Variants in MTCH1 observed in about 807,000 individuals in gnomAD.
The protein encoded by MTCH1 is mitochondrial carrier 1, also known as mitochondrial carrier homolog 1.
Under a neutral mutation model 49.3 loss-of-function variants are expected in MTCH1, and 23 were observed. The ratio of observed to expected loss-of-function variants is 0.47; its 90% CI spans 0.34 to 0.66. The LOEUF (loss-of-function observed/expected upper bound fraction) is 0.66. Ranked by LOEUF, MTCH1 falls within the 30% of genes least tolerant of loss-of-function variation. The pLI is 0.01. For synonymous variants in MTCH1, 229 were observed against 215.2 expected (o/e 1.06, Z -0.56); for missense variants, 397 against 532.1 (o/e 0.75, Z 2.50).
chr6:36,985,718 C>CT, intron 1 of MTCH1, 135 bp downstream of exon 1: 3 of 336,986 alleles, frequency 8.9e-6, no homozygotes, highest in Non-Finnish European at 1.2e-5. Flanking sequence ...CCCACCCACT[C>CT]GGCCCCCCAA....
Position 36,985,937 on chromosome 6 carries a change from C to A in MTCH1, c.237G>T (p.Pro79=). The change falls in exon 1 of 12, where the codon CCG becomes CCT. Residue 79 remains proline, a synonymous_variant. Coordinates refer to ENST00000373627, the MANE Select transcript of MTCH1 (RefSeq NM_001271641.2). The part of the protein sequence containing the change: ...SGGLGSGDNA[P]TTEALFVALG... ...GTGCCACGAAAAGAGCCTCAGTGGT[C>A]GGGGCGTTGTCCCCAGACCCCAGGC... 6.4e-7 allele frequency: 1 copy of A among 1,552,392 alleles called. No individual in the cohort carries two copies. Among genetic ancestry groups the A allele is most frequent in the Non-Finnish European group, 8.7e-7 (1 of 1,148,136 alleles).
intron 11 of MTCH1, 89 bp from the exon 12 acceptor site, chr6:36,969,063 G>T: frequency 6.5e-7 from 1 of 1,537,166 alleles, no homozygotes; most frequent in Non-Finnish European, 8.7e-7. Flanking sequence ...GCAAAGAAGG[G>T]TCCAGGAGCT....
Position 36,986,056 on chromosome 6 carries a change from C to T in MTCH1, c.118G>A (p.Ala40Thr). Residue 40 changes from alanine to threonine, a missense_variant, in exon 1 of 12, where the codon GCT becomes ACT. Around this residue, in one of 2 missense-constraint regions of MTCH1, gnomAD observed 145 missense variants for 143.8 expected, o/e 1.01. Coordinates refer to ENST00000373627, the MANE Select transcript of MTCH1 (RefSeq NM_001271641.2). ...GGAAAGVEAR[A>T]RDPPPAHRAH... ...CGGTGCGCGGGCGGTGGATCGCGAGCTCGAGCCTCGACCCCCGCCGCCGCT... is the reference window on the plus strand; with the variant it reads ...CGGTGCGCGGGCGGTGGATCGCGAGTTCGAGCCTCGACCCCCGCCGCCGCT... The T allele has an allele frequency of 1.4e-6, 2 of 1,470,248 alleles. No homozygotes were observed. The highest frequency in any genetic ancestry group is 1.8e-6 in the Non-Finnish European group (2 of 1,118,948). The allele number at this position is 1,470,248 out of a possible 1,614,324, so 91.1% of individuals were successfully genotyped here.
Position 36,977,561 on chromosome 6 carries a change from C to A in MTCH1, c.649+73G>T. On this transcript the variant is annotated intron_variant, in intron 5 of 11. Transcript: ENST00000373627. This position sits in a 1 kb window ranked among gnomAD's most constrained non-coding sequence, Gnocchi z 5.4. ...TCTACGGCTGTCTATGTACAGTCCACGAGGGGGCGCCCCTCACCCCACGCC... is the reference window on the plus strand; with the variant it reads ...TCTACGGCTGTCTATGTACAGTCCAAGAGGGGGCGCCCCTCACCCCACGCC... 4 of 1,060,612 alleles carry A rather than the reference C, an allele frequency of 3.8e-6. No homozygotes were observed. The highest frequency in any genetic ancestry group is 5.7e-6 in the Non-Finnish European group (4 of 705,940). The allele number at this position is 1,060,612 out of a possible 1,614,324, so 65.7% of individuals were successfully genotyped here. A position where few individuals can be genotyped will look rare whatever the true frequency, so the allele number is the denominator to read the frequency against.
At chr6:36,976,339 T>A (rs1763877349) in intron 6 of MTCH1, among the ~76,000 whole-genome samples, 1 of 151,888 alleles carries the variant, frequency 6.6e-6, no homozygotes, top group Non-Finnish European at 1.5e-5. Context: ...GGGTGTGAAA[T>A]GCCAAGGAAG....
intron 7 of MTCH1, among the ~76,000 whole-genome samples, chr6:36,974,076 T>C (rs575663918): frequency 4.6e-5 from 7 of 152,358 alleles, no homozygotes; most frequent in African/African-American, 1.4e-4. Context: ...TCACAAATGT[T>C]GGTTTGTTAC....
rs756427633 is a variant in MTCH1, at chr6:36,982,987, C to T, written c.322-1315G>A. Among the ~76,000 whole-genome samples, 4 of 152,218 alleles carry T rather than the reference C, an allele frequency of 2.6e-5. No homozygotes were observed. The highest frequency in any genetic ancestry group is 4.4e-5 in the Non-Finnish European group (3 of 68,042). Reference sequence around the variant, plus strand: ...GCAGTAGAAGTGGCAAGTTAGAAAGCGCTACCTTGTAAACTGGATTAGGTA... The same window carrying T: ...GCAGTAGAAGTGGCAAGTTAGAAAGTGCTACCTTGTAAACTGGATTAGGTA... On this transcript the variant is annotated intron_variant, in intron 1 of 11. Transcript: ENST00000373627. The surrounding 1 kb of genome is among the most constrained non-coding windows in gnomAD (Gnocchi z 4.1).
In MTCH1 at chr6:36,982,308, G is replaced by A. The variant is rs1764126023; in HGVS notation, c.322-636C>T. Among the ~76,000 whole-genome samples, 1 of 151,956 alleles carries A rather than the reference G, an allele frequency of 6.6e-6. No homozygotes were observed. Among genetic ancestry groups the A allele is most frequent in the Non-Finnish European group, 1.5e-5 (1 of 68,002 alleles). ...TCACCCTACATCCCTGTGACAAAAC[G>A]ACCCCCTCATTTCTGTAGGGCTATG... On this transcript the variant is annotated intron_variant, in intron 1 of 11. Transcript: ENST00000373627. This position sits in a 1 kb window ranked among gnomAD's most constrained non-coding sequence, Gnocchi z 4.1.
chr6:36,968,465 G>C lies in MTCH1; in HGVS notation c.*438C>G. On this transcript the variant is annotated 3_prime_UTR_variant, in exon 12 of 12. Coordinates refer to ENST00000373627, the MANE Select transcript of MTCH1 (RefSeq NM_001271641.2). ...ACATGATGGTGGCCACGTGCCAGGG[G>C]ACCACACCCTATGTACAAAGCAGGA... The C allele has an allele frequency of 2.9e-6, 1 of 341,954 alleles. No homozygotes were observed. Among genetic ancestry groups the C allele is most frequent in the Non-Finnish European group, 5.8e-6 (1 of 172,676 alleles). The allele number at this position is 341,954 out of a possible 1,614,324, so 21.2% of individuals were successfully genotyped here. A position where few individuals can be genotyped will look rare whatever the true frequency, so the allele number is the denominator to read the frequency against.
At position 36,977,571 on chromosome 6, in the gene MTCH1, C is replaced by G; in HGVS notation, c.649+63G>C. 1 of 1,176,196 alleles carries G rather than the reference C, an allele frequency of 8.5e-7. No individual in the cohort carries two copies. Among genetic ancestry groups the G allele is most frequent in the Non-Finnish European group, 1.2e-6 (1 of 805,654 alleles). The allele number at this position is 1,176,196 out of a possible 1,614,324, so 72.9% of individuals were successfully genotyped here. A position where few individuals can be genotyped will look rare whatever the true frequency, so the allele number is the denominator to read the frequency against. On this transcript the variant is annotated intron_variant, in intron 5 of 11. Coordinates refer to ENST00000373627, the MANE Select transcript of MTCH1 (RefSeq NM_001271641.2). This position sits in a 1 kb window ranked among gnomAD's most constrained non-coding sequence, Gnocchi z 5.4. ...TCTATGTACAGTCCACGAGGGGGCG[C>G]CCCTCACCCCACGCCCCCGACGCCA...
At position 36,977,303 on chromosome 6, in the gene MTCH1, A is replaced by G; in HGVS notation, c.650-53T>C. 2 of 1,595,710 alleles carry G rather than the reference A, an allele frequency of 1.3e-6. No homozygotes were observed. The highest frequency in any genetic ancestry group is 1.1e-5 in the South Asian group (1 of 90,774). On this transcript the variant is annotated intron_variant, in intron 5 of 11. Coordinates refer to ENST00000373627, the MANE Select transcript of MTCH1 (RefSeq NM_001271641.2). The surrounding 1 kb of genome is among the most constrained non-coding windows in gnomAD (Gnocchi z 5.4). ...GGTGATGTGGTGGGCCACACTTCATAATGCTCCAGCCACCGGGTGCCAGGT... is the reference window on the plus strand; with the variant it reads ...GGTGATGTGGTGGGCCACACTTCATGATGCTCCAGCCACCGGGTGCCAGGT...
intron 7 of MTCH1, among the ~76,000 whole-genome samples, chr6:36,974,321 C>T (rs1310654254): frequency 6.6e-6 from 1 of 152,168 alleles, no homozygotes; most frequent in Non-Finnish European, 1.5e-5. Flanking sequence ...CCACCTCAGC[C>T]TCCCGGGTAG....
At chr6:36,985,515 G>A (rs1209450827) in intron 1 of MTCH1, among the ~76,000 whole-genome samples, 1 of 151,526 alleles carries the variant, frequency 6.6e-6, no homozygotes, top group Non-Finnish European at 1.5e-5. Context: ...CCTATCCCAA[G>A]TCCATCGTCC....
intron 6 of MTCH1, chr6:36,976,568 A>G (rs201689267): frequency 1.5e-5 from 7 of 471,034 alleles, no homozygotes; most frequent in Non-Finnish European, 2.6e-5. Context: ...ATGGCAGCTG[A>G]GCTTCCTGGG....
In MTCH1 at chr6:36,972,550, C is replaced by T; in HGVS notation, c.906+102G>A. ...GGGATAATGAGAGGTCCTCTCTCAC[C>T]CTCCCGGCCTGATGCTGAGAATCCC... On this transcript the variant is annotated intron_variant, in intron 8 of 11. Transcript: ENST00000373627. This position sits in a 1 kb window ranked among gnomAD's most constrained non-coding sequence, Gnocchi z 4.1. The T allele has an allele frequency of 7.3e-7, 1 of 1,363,650 alleles. No homozygotes were observed. The highest frequency in any genetic ancestry group is 9.8e-7 in the Non-Finnish European group (1 of 1,018,498). 84.5% of individuals were successfully genotyped at this position (1,363,650 alleles called of 1,614,324 possible). A position where few individuals can be genotyped will look rare whatever the true frequency, so the allele number is the denominator to read the frequency against.
rs1216931350 is a variant in MTCH1, at chr6:36,978,614, G to A, written c.407-3C>T. 21 of 1,613,416 alleles carry A rather than the reference G, an allele frequency of 1.3e-5. No homozygotes were observed. Among genetic ancestry groups the A allele is most frequent in the Non-Finnish European group, 1.7e-5 (20 of 1,179,662 alleles). ...ATCCACTTGCACGATGTACTTGGCT[G>A]TAAGAAAACAGAGGTGGCAGAGGAG... On this transcript the variant is annotated splice_polypyrimidine_tract_variant and splice_region_variant and intron_variant, in intron 2 of 11. Transcript: ENST00000373627.
Position 36,978,378 on chromosome 6 carries a change from G to A in MTCH1, c.513+127C>T. 3 of 994,464 alleles carry A rather than the reference G, an allele frequency of 3.0e-6. No individual in the cohort carries two copies. The Middle Eastern group carries it at 6.8e-4, about 226-fold the overall frequency. 61.6% of individuals were successfully genotyped at this position (994,464 alleles called of 1,614,324 possible). On this transcript the variant is annotated intron_variant, in intron 3 of 11. Coordinates refer to ENST00000373627, the MANE Select transcript of MTCH1 (RefSeq NM_001271641.2). ...AACTGTGGGGTGGGAGCTCCCCCAT[G>A]GGGCTGGAGTGAAGCCCCCAATGGT...
intron 1 of MTCH1, among the ~76,000 whole-genome samples, chr6:36,983,228 C>G (rs1291566567): frequency 6.6e-6 from 1 of 152,102 alleles, no homozygotes; most frequent in African/African-American, 2.4e-5. Flanking sequence ...GTCAGCTGAC[C>G]CAGGCAGTGA....
chr6:36,970,044 C>T lies in MTCH1; in HGVS notation c.1093G>A (p.Val365Met). The change falls in exon 11 of 12, where the codon GTG (valine) becomes ATG (methionine). Residue 365 changes from valine (V) to methionine (M), a missense_variant. Around this residue, in one of 2 missense-constraint regions of MTCH1, gnomAD observed 252 missense variants for 388.3 expected, o/e 0.65. Transcript: ENST00000373627. The part of the protein sequence containing the change: ...SWIHCWKYLS[V>M]QGQLFRGSSL... ...GCCGTCCAGTGCTTGCTCACCTGCA[C>T]ACTCAGGTACTTCCAGCAGTGAATC... is the stretch of plus-strand genomic sequence containing the variant. The T allele has an allele frequency of 1.9e-6, 3 of 1,614,184 alleles. No homozygotes were observed. The highest frequency in any genetic ancestry group is 2.5e-6 in the Non-Finnish European group (3 of 1,180,020).
Sources: allele counts gnomAD v4.1 joint callset (sites outside exome capture counted in the v4.1 genomes callset), GRCh38; gene constraint gnomAD v4.1.1; regional missense constraint gnomAD v4.1.1; non-coding constraint Gnocchi (gnomAD v3.1); transcripts MANE v1.5; gene names NCBI Gene and HGNC (gene_info 2026-07-23, HGNC 2026-07-21).